The following ICE2 variants were observed in gnomAD, a reference collection of about 807,000 sequenced individuals.
ICE2 encodes the protein little elongation complex subunit 2.
ICE2 carries 87 observed loss-of-function variants against 105.4 expected under a neutral mutation model. That is an observed-to-expected ratio of 0.83 (90% CI 0.69 to 0.99). ICE2 has a LOEUF of 0.99. ICE2 is among the 50% of genes least tolerant of loss of function. The pLI is 0.00. For synonymous variants in ICE2, 399 were observed against 392.0 expected (o/e 1.02, Z -0.21); for missense variants, 1,323 against 1,146.7 (o/e 1.15, Z -2.22).
At position 60,468,153 on chromosome 15, in the gene ICE2, T is replaced by C; in HGVS notation, c.316A>G (p.Arg106Gly). 6.2e-7 allele frequency: 1 copy of C among 1,614,124 alleles called. No individual in the cohort carries two copies. The highest frequency in any genetic ancestry group is 8.5e-7 in the Non-Finnish European group (1 of 1,179,996). The part of the protein sequence containing the change: ...RFSRFSQREQ[R>G]SYVDLLVKYA... ...TTAACCAACAAGTCCACATAACTCC[T>C]CTGCTCTCTCTGTGAGAAACGAGAG... The change falls in exon 4 of 16, where the codon AGG becomes GGG. Residue 106 changes from arginine (R) to glycine (G), a missense_variant. Transcript: ENST00000261520.
chr15:60,452,276 C>T, intron 9 of ICE2: 1 of 908,302 alleles, frequency 1.1e-6, no homozygotes, highest in Non-Finnish European at 1.3e-6. Context: ...GGCCAATATC[C>T]TTAAAATTGT....
chr15:60,453,359 A>C, intron 9 of ICE2: 2 of 1,282,994 alleles, frequency 1.6e-6, no homozygotes. Context: ...AAAATATCAA[A>C]CTTAACCCTC....
intron 12 of ICE2, among the ~76,000 whole-genome samples, chr15:60,437,483 C>G (rs192319453): frequency 3.2e-4 from 48 of 151,384 alleles, no homozygotes; most frequent in African/African-American, 1.2e-3. Flanking sequence ...AGGTGCCCAC[C>G]ACCAGGCCTG....
chr15:60,425,368 A>T (rs2063318341), intron 15 of ICE2, among the ~76,000 whole-genome samples: 1 of 152,214 alleles, frequency 6.6e-6, no homozygotes. Context: ...CTATCTGTTA[A>T]AATTTTTGAG....
intron 1 of ICE2, chr15:60,478,510 A>C (rs1357153077): frequency 5.4e-6 from 1 of 184,830 alleles, no homozygotes; most frequent in Non-Finnish European, 1.1e-5. Context: ...TTCACAAAGA[A>C]CCTCACATTT....
At chr15:60,466,032 G>A (rs923154995) in intron 5 of ICE2, among the ~76,000 whole-genome samples, 1 of 152,162 alleles carries the variant, frequency 6.6e-6, no homozygotes, top group African/African-American at 2.4e-5. Flanking sequence ...GATTAGAGGT[G>A]TGAGCCACCA....
At chr15:60,451,505 A>C (rs2063965990) in intron 9 of ICE2, 2 of 984,928 alleles carry the variant, frequency 2.0e-6, no homozygotes, top group African/African-American at 1.7e-5. Flanking sequence ...GGACCACAGA[A>C]ATCAAAATAA....
intron 5 of ICE2, among the ~76,000 whole-genome samples, chr15:60,464,048 A>G (rs948985771): frequency 6.6e-6 from 1 of 152,190 alleles, no homozygotes; most frequent in African/African-American, 2.4e-5. Flanking sequence ...TTCGTTCTAT[A>G]TACTTTTCCA....
At chr15:60,457,441 C>T (rs558857176) in intron 5 of ICE2, among the ~76,000 whole-genome samples, 6 of 152,130 alleles carry the variant, frequency 3.9e-5, no homozygotes, top group Non-Finnish European at 8.8e-5. Flanking sequence ...GATTAAAACA[C>T]ACACACACAT....
At chr15:60,438,617 T>A (rs570878286) in intron 12 of ICE2, 1 of 152,224 alleles carries the variant, frequency 6.6e-6, no homozygotes, top group African/African-American at 2.4e-5. Flanking sequence ...TTCTTACCTT[T>A]TGAAAGAAAT....
Position 60,423,672 on chromosome 15 carries a change from T to C in ICE2, c.2911A>G (p.Thr971Ala), listed in dbSNP as rs1014353180. ...CTTTTATGTGGAGCCACTCCTTCAGTTTCAACTTGCTGAGCAGGCAAGCAA... is the reference window on the plus strand; with the variant it reads ...CTTTTATGTGGAGCCACTCCTTCAGCTTCAACTTGCTGAGCAGGCAAGCAA... ...SSCLPAQQVE[T>A]EGVAPHKRKI... Residue 971 changes from threonine (T) to alanine (A), a missense_variant, in exon 16 of 16, where the codon ACT becomes GCT. Thr to Ala is a moderately conservative substitution (Grantham distance 58). Coordinates refer to ENST00000261520, the MANE Select transcript of ICE2 (RefSeq NM_024611.6). The C allele has an allele frequency of 9.9e-6, 16 of 1,610,660 alleles. No homozygotes were observed. The highest frequency in any genetic ancestry group is 1.3e-5 in the Non-Finnish European group (15 of 1,179,458).
intron 3 of ICE2, among the ~76,000 whole-genome samples, chr15:60,472,504 G>A (rs757584813): frequency 2.0e-5 from 3 of 152,050 alleles, no homozygotes; most frequent in Non-Finnish European, 2.9e-5. Flanking sequence ...TTTTTCTATA[G>A]TACAAAGTAA....
At chr15:60,432,884 T>C (rs961346436) in intron 13 of ICE2, among the ~76,000 whole-genome samples, 1 of 151,784 alleles carries the variant, frequency 6.6e-6, no homozygotes, top group Non-Finnish European at 1.5e-5. Flanking sequence ...AGACCAAGAA[T>C]CCGCCTCAAA....
chr15:60,472,733 A>G (rs2064639137), intron 3 of ICE2, among the ~76,000 whole-genome samples: 1 of 152,100 alleles, frequency 6.6e-6, no homozygotes, highest in Non-Finnish European at 1.5e-5. Flanking sequence ...TGCACCTATA[A>G]TCCCGTCTAT....
chr15:60,435,048 C>T (rs916829385), intron 13 of ICE2, among the ~76,000 whole-genome samples: 7 of 151,926 alleles, frequency 4.6e-5, no homozygotes, highest in East Asian at 3.9e-4. Flanking sequence ...CTTGGGAGGC[C>T]GAGGCGGGTG....
At chr15:60,428,871 T>C (rs949278131) in intron 14 of ICE2, among the ~76,000 whole-genome samples, 184 bp from the exon 15 acceptor site, 3 of 152,248 alleles carry the variant, frequency 2.0e-5, no homozygotes, top group Non-Finnish European at 4.4e-5. Flanking sequence ...TTTAGGCAAC[T>C]AATTTTAATT....
rs2063888078 is a variant in ICE2 at position 60,448,882 on chromosome 15, A to C, written c.2085T>G (p.Ser695=). Residue 695 remains serine, a synonymous_variant, in exon 10 of 16, where the codon TCT becomes TCG. Transcript: ENST00000261520. The part of the protein sequence containing the change: ...GPSDSSSWPK[S]GWPSAFQKPK... ...GCTTCTGAAATGCAGAAGGCCATCC[A>C]GATTTCGGCCAACTAGAGGAGTCTG... 1.3e-6 allele frequency: 2 copies of C among 1,599,550 alleles called. No individual in the cohort carries two copies. The highest frequency in any genetic ancestry group is 1.7e-6 in the Non-Finnish European group (2 of 1,175,732).
chr15:60,466,548 T>C (rs747687645), intron 5 of ICE2, 46 bp downstream of exon 5: 6 of 1,600,172 alleles, frequency 3.7e-6, no homozygotes, highest in Non-Finnish European at 5.1e-6. Flanking sequence ...AATGCTGCTA[T>C]TGCCTATCAC....
At chr15:60,475,004 GA>G (rs2064718161) in intron 3 of ICE2, among the ~76,000 whole-genome samples, 1 of 152,106 alleles carries the variant, frequency 6.6e-6, no homozygotes, top group African/African-American at 2.4e-5. Context: ...CTGAAAATGG[GA>G]AAGAACAAAG....
Sources: gnomAD v4.1 joint callset for allele counts (sites outside exome capture counted in the v4.1 genomes callset) on GRCh38, gnomAD v4.1.1 for gene constraint, MANE v1.5 for transcripts, NCBI Gene and HGNC (gene_info 2026-07-23, HGNC 2026-07-21) for gene names.